Variants in XYLB observed in about 807,000 individuals in gnomAD.
The protein encoded by XYLB is xylulose kinase.
XYLB carries 62 observed loss-of-function variants against 78.7 expected under a neutral mutation model. That is an observed-to-expected ratio of 0.79 (90% confidence interval 0.64 to 0.97). XYLB has a LOEUF of 0.97. Ranked by LOEUF, XYLB falls within the 50% of genes least tolerant of loss-of-function variation. The probability of loss-of-function intolerance (pLI) is 0.00; values close to 1 mark genes in which losing one functional copy is unlikely to be tolerated. For synonymous variants in XYLB, 245 were observed against 247.4 expected (o/e 0.99, Z 0.09); for missense variants, 687 against 676.8 (o/e 1.02, Z -0.17).
At chr3:38,348,335 T>G (rs865818084) in intron 1 of XYLB, among the ~76,000 whole-genome samples, 1 of 152,324 alleles carries the variant, frequency 6.6e-6, no homozygotes, top group Non-Finnish European at 1.5e-5. Flanking sequence ...GTGTTCCTAC[T>G]TAGCCTCAGT....
At chr3:38,431,706 T>C in the XYLB span, among the ~76,000 whole-genome samples, 1 of 151,850 alleles carries the variant, frequency 6.6e-6, no homozygotes, top group Non-Finnish European at 1.5e-5. Flanking sequence ...AGAAAAGAGG[T>C]TTAATTGACT....
intron 18 of XYLB, among the ~76,000 whole-genome samples, chr3:38,411,725 A>G (rs1013496213): frequency 3.3e-5 from 5 of 151,646 alleles, no homozygotes; most frequent in Admixed American, 2.0e-4. Flanking sequence ...TTTCCTTGAG[A>G]TCTCATAAAA....
downstream of XYLB, among the ~76,000 whole-genome samples, chr3:38,418,308 A>C (rs760803371): frequency 1.3e-5 from 2 of 152,108 alleles, no homozygotes; most frequent in African/African-American, 2.4e-5. Context: ...AAAATCAAAG[A>C]GTTTGATAAA....
intron 15 of XYLB, among the ~76,000 whole-genome samples, chr3:38,392,543 C>T (rs146649479): frequency 5.1e-4 from 78 of 152,198 alleles, no homozygotes; most frequent in African/African-American, 1.6e-3. Flanking sequence ...GTGATACACC[C>T]GTCTCGGTCT....
intron 14 of XYLB, among the ~76,000 whole-genome samples, chr3:38,378,731 G>A (rs1706992951): frequency 6.6e-6 from 1 of 151,268 alleles, no homozygotes; most frequent in Non-Finnish European, 1.5e-5. Context: ...AGAGAAGCAG[G>A]AGTGAGCCTG....
rs1456853763 is a variant in XYLB at position 38,413,187 on chromosome 3, G to C, written c.*174G>C. 1 of 530,052 alleles carries C rather than the reference G, an allele frequency of 1.9e-6. No homozygotes were observed. The highest frequency in any genetic ancestry group is 3.2e-6 in the Non-Finnish European group (1 of 316,264). The allele number at this position is 530,052 out of a possible 1,614,324, so 32.8% of individuals were successfully genotyped here. A position where few individuals can be genotyped will look rare whatever the true frequency, so the allele number is the denominator to read the frequency against. The stretch of plus-strand genomic sequence containing the variant: ...CCCTCAGCACATCTGCATGAAGATA[G>C]ATAGGCACTCCTGTCCCTGTGCCCG... On this transcript the variant is annotated 3_prime_UTR_variant, in exon 19 of 19. Transcript: ENST00000207870.
At chr3:38,437,529 C>A in the XYLB span, among the ~76,000 whole-genome samples, 3 of 152,126 alleles carry the variant, frequency 2.0e-5, no homozygotes. Flanking sequence ...AAAGACTCTA[C>A]TAAAAAACTC....
At chr3:38,376,368 T>C (rs527284242) in intron 13 of XYLB, 136 bp downstream of exon 13, 8 of 664,030 alleles carry the variant, frequency 1.2e-5, no homozygotes, top group African/African-American at 9.0e-5. Context: ...TCTGCACTTA[T>C]ATTCCACACA....
chr3:38,432,614 A>C, the XYLB span, among the ~76,000 whole-genome samples: 2 of 152,198 alleles, frequency 1.3e-5, no homozygotes, highest in African/African-American at 4.8e-5. Flanking sequence ...CATTGGGTAA[A>C]TATACCTGTT....
the XYLB span, among the ~76,000 whole-genome samples, chr3:38,448,097 G>A: frequency 1.3e-5 from 2 of 152,042 alleles, no homozygotes; most frequent in South Asian, 2.1e-4. Context: ...TGGCAGCATC[G>A]TGGATGGATC....
intron 4 of XYLB, among the ~76,000 whole-genome samples, chr3:38,364,196 C>T (rs553303309): frequency 6.6e-6 from 1 of 152,026 alleles, no homozygotes; most frequent in Non-Finnish European, 1.5e-5. Context: ...ACCCAGGGCA[C>T]AACTCAAGTG....
At chr3:38,401,217 A>T (rs1708112742) in intron 18 of XYLB, among the ~76,000 whole-genome samples, 1 of 152,138 alleles carries the variant, frequency 6.6e-6, no homozygotes, top group African/African-American at 2.4e-5. Flanking sequence ...GCATATTTGT[A>T]TTGCTTCTTA....
At chr3:38,423,920 GT>G (rs1198422271), downstream of XYLB, among the ~76,000 whole-genome samples, 1 of 152,142 alleles carries the variant, frequency 6.6e-6, no homozygotes, top group Non-Finnish European at 1.5e-5. Context: ...GCCACAGAAA[GT>G]AACCATACAT....
chr3:38,417,470 C>A (rs563904238), downstream of XYLB, among the ~76,000 whole-genome samples: 1 of 152,202 alleles, frequency 6.6e-6, no homozygotes, highest in South Asian at 2.1e-4. Flanking sequence ...ACATAAAACC[C>A]ACAGTACATT....
At chr3:38,396,062 T>C (rs982103389) in intron 16 of XYLB, among the ~76,000 whole-genome samples, 2 of 152,208 alleles carry the variant, frequency 1.3e-5, no homozygotes, top group African/African-American at 4.8e-5. Flanking sequence ...TCAGAGCCTG[T>C]TATGGAGACA....
chr3:38,412,179 C>T (rs1322052214), intron 18 of XYLB, among the ~76,000 whole-genome samples: 2 of 151,938 alleles, frequency 1.3e-5, no homozygotes, highest in South Asian at 2.1e-4. Flanking sequence ...TTAGTAGAGA[C>T]GGGGTTTCAC....
At chr3:38,416,485 C>G (rs115243388), downstream of XYLB, among the ~76,000 whole-genome samples, 2 of 152,140 alleles carry the variant, frequency 1.3e-5, no homozygotes, top group African/African-American at 2.4e-5. Flanking sequence ...TAAGTCCAAG[C>G]ATATAAGTTA....
chr3:38,399,373 C>T lies in XYLB; in HGVS notation c.1439-1518C>T, dbSNP rs575102443. ...TCACCCTCCCAAAGTACTAGGATTA[C>T]AGGCATGAATCCTAGTGCTAGGATT... On this transcript the variant is annotated intron_variant, in intron 17 of 18. Transcript: ENST00000207870. 5.3e-5 allele frequency among the ~76,000 whole-genome samples: 8 copies of T among 152,174 alleles called. No individual in the cohort carries two copies. In the South Asian group the frequency reaches 1.5e-3, roughly 28 times the overall value.
chr3:38,442,464 G>A, the XYLB span, among the ~76,000 whole-genome samples: 3 of 152,194 alleles, frequency 2.0e-5, no homozygotes, highest in Non-Finnish European at 1.5e-5. Context: ...AAGTTGGGAT[G>A]TGTGGTCTGT....
Sources: gnomAD v4.1 joint callset for allele counts (sites outside exome capture counted in the v4.1 genomes callset) on GRCh38, gnomAD v4.1.1 for gene constraint, MANE v1.5 for transcripts, NCBI Gene and HGNC (gene_info 2026-07-23, HGNC 2026-07-21) for gene names.